Variants in RPF1 observed in about 807,000 individuals in gnomAD.
The protein encoded by RPF1 is ribosome production factor 1 homolog.
Under a neutral mutation model 41.9 loss-of-function variants are expected in RPF1, and 34 were observed. That is an observed-to-expected ratio of 0.81 (90% CI 0.62 to 1.08). The LOEUF is 1.08. RPF1 is among the 50% of genes least tolerant of loss of function. The probability of loss-of-function intolerance (pLI) is 0.00; values close to 1 mark genes in which losing one functional copy is unlikely to be tolerated. For synonymous variants in RPF1, 140 were observed against 148.9 expected (o/e 0.94, Z 0.43); for missense variants, 425 against 435.2 (o/e 0.98, Z 0.21).
At chr1:84,486,762 T>TA (rs1361881535) in intron 3 of RPF1, among the ~76,000 whole-genome samples, 1 of 152,112 alleles carries the variant, frequency 6.6e-6, no homozygotes, top group African/African-American at 2.4e-5. Context: ...CCAGGGTAGT[T>TA]ACAATGAAAG....
intron 4 of RPF1, 72 bp from the exon 5 acceptor site, chr1:84,490,247 T>C (rs1490193611): frequency 6.1e-6 from 6 of 977,170 alleles, no homozygotes; most frequent in East Asian, 5.7e-5. Context: ...TCTTTCCTTA[T>C]GAATATGTAC....
chr1:84,488,356 G>A (rs1444743593), intron 3 of RPF1, among the ~76,000 whole-genome samples: 1 of 152,072 alleles, frequency 6.6e-6, no homozygotes. Flanking sequence ...TACAGTTTTT[G>A]TTGGTGTAAA....
chr1:84,479,987 A>G (rs749649649), intron 1 of RPF1, among the ~76,000 whole-genome samples: 3 of 152,208 alleles, frequency 2.0e-5, no homozygotes, highest in Non-Finnish European at 4.4e-5. Context: ...TGTTCTTTTC[A>G]GCTTTATCCT....
At chr1:84,487,102 G>A (rs558361425) in intron 3 of RPF1, among the ~76,000 whole-genome samples, 11 of 152,228 alleles carry the variant, frequency 7.2e-5, no homozygotes, top group African/African-American at 2.6e-4. Context: ...AGATAAATTT[G>A]GGGGTAACAG....
Position 84,479,347 on chromosome 1 carries a change from C to T in RPF1, c.66C>T (p.Ala22=), listed in dbSNP as rs375773935. The T allele has an allele frequency of 5.0e-6, 8 of 1,612,862 alleles. No homozygotes were observed. Among genetic ancestry groups the T allele is most frequent in the Non-Finnish European group, 6.8e-6 (8 of 1,179,568 alleles). ...AAAGTCTAAAACGGAAAGCCGCTGC[C>T]GAAGAACTTCAGGAGGCTGCAGGCG... is the stretch of plus-strand genomic sequence containing the variant. The part of the protein sequence containing the change: ...GKKSLKRKAA[A]EELQEAAGAG... The change falls in exon 1 of 9, where the codon GCC becomes GCT. Residue 22 remains alanine, a synonymous_variant. Transcript: ENST00000370654.
At chr1:84,487,048 C>T (rs1203015194) in intron 3 of RPF1, among the ~76,000 whole-genome samples, 3 of 151,920 alleles carry the variant, frequency 2.0e-5, no homozygotes, top group African/African-American at 7.3e-5. Flanking sequence ...AGATGTCAAG[C>T]AGGTAGTTGG....
At chr1:84,488,473 T>C (rs1315934324) in intron 3 of RPF1, among the ~76,000 whole-genome samples, 1 of 152,144 alleles carries the variant, frequency 6.6e-6, no homozygotes, top group Non-Finnish European at 1.5e-5. Flanking sequence ...TTCTAATTTG[T>C]TGGGATATCG....
intron 3 of RPF1, among the ~76,000 whole-genome samples, chr1:84,487,063 T>C (rs996768972): frequency 6.6e-6 from 1 of 152,118 alleles, no homozygotes; most frequent in Admixed American, 6.5e-5. Context: ...AGTTGGGATG[T>C]GAGCTTGGAA....
At position 84,490,464 on chromosome 1, in the gene RPF1, A is replaced by G; in HGVS notation, c.608A>G (p.Lys203Arg). ...TDLIVINEDR[K>R]TPNGLILSHL... Reference sequence around the variant, plus strand: ...CTGATTGTTATTAATGAAGATCGTAAAACCCCAAGTATCCTTTTTTTTTTT... The same window carrying G: ...CTGATTGTTATTAATGAAGATCGTAGAACCCCAAGTATCCTTTTTTTTTTT... The change falls in exon 5 of 9, where the codon AAA (lysine) becomes AGA (arginine). Residue 203 changes from lysine to arginine, a missense_variant. Coordinates refer to ENST00000370654, the MANE Select transcript of RPF1 (RefSeq NM_025065.7). 5 of 1,586,256 alleles carry G rather than the reference A, an allele frequency of 3.2e-6. No homozygotes were observed. Among genetic ancestry groups the G allele is most frequent in the Non-Finnish European group, 4.3e-6 (5 of 1,171,838 alleles).
At chr1:84,480,490 T>C (rs917720989) in intron 1 of RPF1, among the ~76,000 whole-genome samples, 1 of 152,236 alleles carries the variant, frequency 6.6e-6, no homozygotes, top group Non-Finnish European at 1.5e-5. Context: ...ATTTTGATTA[T>C]AAAATATGTG....
At position 84,479,473 on chromosome 1, in the gene RPF1, C is replaced by G. The variant is rs1270879307; in HGVS notation, c.192C>G (p.His64Gln). Reference sequence around the variant, plus strand: ...AGATTAAAAACAAACAGCGGCGACACTTAATGTTCACGCGGTGGAAACAGC... The same window carrying G: ...AGATTAAAAACAAACAGCGGCGACAGTTAATGTTCACGCGGTGGAAACAGC... ...ISEIKNKQRR[H>Q]LMFTRWKQQQ... is the part of the protein sequence containing the mutation. Residue 64 changes from histidine to glutamine, a missense_variant, in exon 1 of 9, where the codon CAC (histidine) becomes CAG (glutamine). By Grantham distance (24) the His-to-Gln change is conservative. Coordinates refer to ENST00000370654, the MANE Select transcript of RPF1 (RefSeq NM_025065.7). 1 of 1,614,226 alleles carries G rather than the reference C, an allele frequency of 6.2e-7. No homozygotes were observed.
At chr1:84,481,055 G>A (rs374147338) in intron 2 of RPF1, 43 bp downstream of exon 2, 11 of 1,098,778 alleles carry the variant, frequency 1.0e-5, no homozygotes, top group Non-Finnish European at 1.5e-5. Flanking sequence ...CTTATATTAG[G>A]GAATCCCTCC....
At chr1:84,493,909 A>C (rs996470001) in intron 5 of RPF1, among the ~76,000 whole-genome samples, 1 of 152,200 alleles carries the variant, frequency 6.6e-6, no homozygotes, top group African/African-American at 2.4e-5. Context: ...TTGAAAAGGT[A>C]ATTTGTGGCC....
rs764245405 is a variant in RPF1, at chr1:84,497,392, T to C, written c.1009-37T>C. On this transcript the variant is annotated intron_variant, in intron 8 of 8. Coordinates refer to ENST00000370654, the MANE Select transcript of RPF1 (RefSeq NM_025065.7). ...TGAATTGTTAATTATATTTTTGTTT[T>C]GTTTTCTTCCTCCACTCCCTTGCTT... 3.0e-5 allele frequency: 47 copies of C among 1,575,338 alleles called. No individual in the cohort carries two copies. In the Admixed American group the frequency reaches 8.2e-4, roughly 27 times the overall value.
At position 84,490,358 on chromosome 1, in the gene RPF1, C is replaced by T; in HGVS notation, c.502C>T (p.Pro168Ser). The change falls in exon 5 of 9, where the codon CCA (proline) becomes TCA (serine). Residue 168 changes from proline to serine, a missense_variant. Coordinates refer to ENST00000370654, the MANE Select transcript of RPF1 (RefSeq NM_025065.7). ...RLCEQLSTVIPNSHVYYRRGL... is the reference protein window; with the variant it reads ...RLCEQLSTVISNSHVYYRRGL... ...CTGTGAACAGCTCTCCACAGTTATACCAAACTCACATGTTTATTACAGAAG... is the reference window on the plus strand; with the variant it reads ...CTGTGAACAGCTCTCCACAGTTATATCAAACTCACATGTTTATTACAGAAG... 1 of 1,608,990 alleles carries T rather than the reference C, an allele frequency of 6.2e-7. No homozygotes were observed. The highest frequency in any genetic ancestry group is 2.2e-5 in the East Asian group (1 of 44,690).
intron 1 of RPF1, 48 bp from the exon 2 acceptor site, chr1:84,480,908 A>T (rs1406874357): frequency 9.9e-7 from 1 of 1,005,904 alleles, no homozygotes; most frequent in Non-Finnish European, 1.6e-6. Flanking sequence ...TGTTTGTGAT[A>T]TAACTGGTTG....
rs1558542765 is a variant in RPF1, at chr1:84,489,656, T to C, written c.390T>C (p.Asp130=). 6.2e-7 allele frequency: 1 copy of C among 1,606,276 alleles called. No individual in the cohort carries two copies. Among genetic ancestry groups the C allele is most frequent in the Non-Finnish European group, 8.5e-7 (1 of 1,172,964 alleles). ...AGGTCGCTTATGATGAAGCTACAGA[T>C]GAATTTGCTTCTTACTTCAACAAAC... ...DEEVAYDEAT[D]EFASYFNKQT... The change falls in exon 4 of 9, where the codon GAT becomes GAC. Residue 130 remains aspartate (D), a synonymous_variant. Coordinates refer to ENST00000370654, the MANE Select transcript of RPF1 (RefSeq NM_025065.7).
chr1:84,496,223 T>C, intron 7 of RPF1, 21 bp from the exon 8 acceptor site: 1 of 1,603,006 alleles, frequency 6.2e-7, no homozygotes, highest in Non-Finnish European at 8.5e-7. Context: ...CAGACTAATT[T>C]AACTCTTTTT....
rs547832534 is a variant in RPF1 at position 84,487,681 on chromosome 1, CT to C, written c.367-1950del. 7.9e-5 allele frequency among the ~76,000 whole-genome samples: 12 copies of C among 152,144 alleles called. No individual in the cohort carries two copies. The South Asian group carries it at 2.3e-3, about 29-fold the overall frequency. On this transcript the variant is annotated intron_variant, in intron 3 of 8. Transcript: ENST00000370654. ...TTTCTCTTTCCTGTGATCATAAGTT[CT>C]TCTTTCCTTCTAAAATAATTAAAGA...
Sources: gnomAD v4.1 joint callset for allele counts (sites outside exome capture counted in the v4.1 genomes callset) on GRCh38, gnomAD v4.1.1 for gene constraint, MANE v1.5 for transcripts, NCBI Gene and HGNC (gene_info 2026-07-23, HGNC 2026-07-21) for gene names.